The following LAMC2 variants were observed in gnomAD, a reference collection of about 807,000 sequenced individuals.
LAMC2 encodes the protein laminin subunit gamma 2.
A neutral mutation model predicts 140.2 loss-of-function variants in LAMC2; 97 were observed. That is an observed-to-expected ratio of 0.69 (90% CI 0.59 to 0.82). The LOEUF (loss-of-function observed/expected upper bound fraction) is 0.82. LAMC2 is among the 40% of genes least tolerant of loss of function. The pLI is 0.00. For synonymous variants in LAMC2, 513 were observed against 540.2 expected, an observed-to-expected ratio of 0.95 and a Z score of 0.70; for missense variants, 1,402 against 1,476.1, an observed-to-expected ratio of 0.95 and a Z score of 0.82.
At chr1:183,199,441 C>T (rs1416405291) in intron 1 of LAMC2, among the ~76,000 whole-genome samples, 1 of 151,588 alleles carries the variant, frequency 6.6e-6, no homozygotes, top group African/African-American at 2.4e-5. Context: ...TCCTTCCTTC[C>T]TTCTTTCCTT....
chr1:183,193,508 TAC>T (rs1658411257), intron 1 of LAMC2, among the ~76,000 whole-genome samples: 2 of 100,020 alleles, frequency 2.0e-5, no homozygotes, highest in Non-Finnish European at 3.9e-5. Flanking sequence ...GTAAGCTTTA[TAC>T]ATACTTACTG....
rs1205112954 is a variant in LAMC2, at chr1:183,240,284, G to A, written c.3229-8G>A. On this transcript the variant is annotated splice_region_variant and splice_polypyrimidine_tract_variant and intron_variant, in intron 21 of 22. Coordinates refer to ENST00000264144, the MANE Select transcript of LAMC2 (RefSeq NM_005562.3). Reference sequence around the variant, plus strand: ...TTTCAAGGCTGGTTTGTGCTTATTTGTCCTCAGGTGATTACAGAAGCCCAG... The same window carrying A: ...TTTCAAGGCTGGTTTGTGCTTATTTATCCTCAGGTGATTACAGAAGCCCAG... 2.5e-6 allele frequency: 4 copies of A among 1,614,018 alleles called. No individual in the cohort carries two copies. The African/African-American group carries it at 5.3e-5, about 22-fold the overall frequency.
At chr1:183,252,763 A>G in the LAMC2 span, 1 of 1,577,330 alleles carries the variant, frequency 6.3e-7, no homozygotes, top group Non-Finnish European at 8.7e-7. Context: ...AAGAGATGAC[A>G]ATCAGATGGA....
chr1:183,194,010 C>T (rs1002772198), intron 1 of LAMC2, among the ~76,000 whole-genome samples: 2 of 152,140 alleles, frequency 1.3e-5, no homozygotes, highest in Non-Finnish European at 2.9e-5. Flanking sequence ...AATCTTGGCT[C>T]CTGGGTTCAA....
Position 183,215,513 on chromosome 1 carries a change from G to A in LAMC2, c.329G>A (p.Gly110Glu), listed in dbSNP as rs756122076. The A allele has an allele frequency of 2.5e-6, 4 of 1,614,172 alleles. No homozygotes were observed. The Admixed American group carries it at 5.0e-5, about 20-fold the overall frequency. Reference protein sequence around the residue: ...GRCSCKPGVTGARCDRCLPGF... With the variant: ...GRCSCKPGVTEARCDRCLPGF... ...TGCAGCTGTAAACCAGGTGTGACAG[G>A]AGCCAGATGCGACCGATGTCTGCCA... Residue 110 changes from glycine to glutamate, a missense_variant, in exon 3 of 23, where the codon GGA (glycine) becomes GAA (glutamate). Physicochemically the swap from Gly to Glu is moderately conservative, Grantham distance 98. Transcript: ENST00000264144.
Position 183,241,467 on chromosome 1 carries a change from C to A in LAMC2, c.3328+1076C>A, listed in dbSNP as rs960112227. Among the ~76,000 whole-genome samples, 24 of 152,158 alleles carry A rather than the reference C, an allele frequency of 1.6e-4. No individual in the cohort carries two copies. In the East Asian group the frequency reaches 4.6e-3, roughly 29 times the overall value. On this transcript the variant is annotated intron_variant, in intron 22 of 22. Coordinates refer to ENST00000264144, the MANE Select transcript of LAMC2 (RefSeq NM_005562.3). ...AATCAGGTTTCCCTACAGAATCGCT[C>A]CCAAAAGAAAACTTATTTTGGTTAA...
At chr1:183,211,296 C>G (rs1346073053) in intron 2 of LAMC2, among the ~76,000 whole-genome samples, 1 of 147,206 alleles carries the variant, frequency 6.8e-6, no homozygotes, top group Non-Finnish European at 1.5e-5. Context: ...CCTCCCATGA[C>G]AGCTAAGTTT....
intron 2 of LAMC2, among the ~76,000 whole-genome samples, chr1:183,213,041 C>T (rs1659120189): frequency 6.6e-6 from 1 of 152,238 alleles, no homozygotes; most frequent in Admixed American, 6.5e-5. Context: ...CCAAGCCATC[C>T]TGCAGACTGC....
Position 183,218,421 on chromosome 1 carries a change from A to T in LAMC2, c.436A>T (p.Ile146Phe), listed in dbSNP as rs1428683266. The T allele has an allele frequency of 1.2e-6, 2 of 1,614,182 alleles. No homozygotes were observed. Among genetic ancestry groups the T allele is most frequent in the Admixed American group, 3.3e-5 (2 of 60,024 alleles). ...CAAGTGTGACTGTGACCCAGCTGGCATCGCAGGGCCCTGTGACGCGGGCCG... is the reference window on the plus strand; with the variant it reads ...CAAGTGTGACTGTGACCCAGCTGGCTTCGCAGGGCCCTGTGACGCGGGCCG... ...DSKCDCDPAG[I>F]AGPCDAGRCV... The change falls in exon 4 of 23, where the codon ATC becomes TTC. Residue 146 changes from isoleucine to phenylalanine, a missense_variant. Ile to Phe is a conservative substitution (Grantham distance 21). Transcript: ENST00000264144.
At chr1:183,243,083 G>T in intron 22 of LAMC2, 64 bp from the exon 23 acceptor site, 2 of 1,585,566 alleles carry the variant, frequency 1.3e-6, no homozygotes, top group South Asian at 2.2e-5. Flanking sequence ...AGAAGGGCAC[G>T]GGTGTTCAAG....
chr1:183,212,379 C>G (rs1337022827), intron 2 of LAMC2, among the ~76,000 whole-genome samples: 1 of 152,078 alleles, frequency 6.6e-6, no homozygotes, highest in Non-Finnish European at 1.5e-5. Flanking sequence ...CAAATAGCCT[C>G]TCTTCATTCT....
chr1:183,201,435 T>C (rs1658703133), intron 1 of LAMC2, among the ~76,000 whole-genome samples: 1 of 152,214 alleles, frequency 6.6e-6, no homozygotes, highest in Non-Finnish European at 1.5e-5. Context: ...TTAGGCTTGC[T>C]CTTTCCTTTG....
chr1:183,186,883 AAATGAGCCTTAAT>A (rs1658171280), intron 1 of LAMC2, among the ~76,000 whole-genome samples: 1 of 152,228 alleles, frequency 6.6e-6, no homozygotes, highest in African/African-American at 2.4e-5. Context: ...TCGGATGGAA[AAATGAGCCTTAAT>A]AGTATTAGCA....
At chr1:183,251,048 C>T in the LAMC2 span, 2 of 152,110 alleles carry the variant, frequency 1.3e-5, no homozygotes, top group Admixed American at 6.5e-5. Flanking sequence ...CCTTATGGCT[C>T]TCCAAGCAGG....
chr1:183,232,176 T>A lies in LAMC2; in HGVS notation c.1858-11T>A. On this transcript the variant is annotated splice_polypyrimidine_tract_variant and intron_variant, in intron 12 of 22. Transcript: ENST00000264144. ...TCCACCCTCGTTCTGATCTTTCCTG[T>A]GTGGTTTCAGATGGATCAGTTTATG... The A allele has an allele frequency of 1.9e-6, 3 of 1,613,400 alleles. No homozygotes were observed. The highest frequency in any genetic ancestry group is 2.5e-6 in the Non-Finnish European group (3 of 1,179,920).
the LAMC2 span, among the ~76,000 whole-genome samples, chr1:183,253,671 C>T: frequency 6.6e-5 from 10 of 151,960 alleles, no homozygotes; most frequent in Admixed American, 1.3e-4. Flanking sequence ...TACATATTTG[C>T]TGCTTTGTAT....
intron 1 of LAMC2, among the ~76,000 whole-genome samples, chr1:183,198,772 G>A (rs114613296): frequency 4.6e-5 from 7 of 152,312 alleles, no homozygotes; most frequent in African/African-American, 7.2e-5. Flanking sequence ...CTCGCTGCCC[G>A]TTGAGGTGGC....
At chr1:183,227,444 C>T (rs1659659605) in intron 9 of LAMC2, 71 bp from the exon 10 acceptor site, 2 of 1,388,482 alleles carry the variant, frequency 1.4e-6, no homozygotes, top group African/African-American at 2.8e-5. Context: ...TACACTCTGA[C>T]CCATGTTGAA....
At chr1:183,251,969 G>A in the LAMC2 span, 2 of 155,478 alleles carry the variant, frequency 1.3e-5, no homozygotes, top group Non-Finnish European at 2.8e-5. Context: ...TGCTGAAGAA[G>A]TGGAGGTTGC....
Sources: gnomAD v4.1 joint callset for allele counts (sites outside exome capture counted in the v4.1 genomes callset) on GRCh38, gnomAD v4.1.1 for gene constraint, MANE v1.5 for transcripts, NCBI Gene and HGNC (gene_info 2026-07-23, HGNC 2026-07-21) for gene names.